ERI2: variants seen among roughly 807,000 people sequenced by gnomAD.
The protein encoded by ERI2 is ERI1 exoribonuclease family member 2.
Under a neutral mutation model 46.8 loss-of-function variants are expected in ERI2, and 35 were observed. That is an observed-to-expected ratio of 0.75 (90% CI 0.57 to 0.99). ERI2 has a LOEUF of 0.99. Ranked by LOEUF, ERI2 falls within the 50% of genes least tolerant of loss-of-function variation. The pLI is 0.00. For synonymous variants in ERI2, 224 were observed against 271.0 expected (o/e 0.83, Z 1.70); for missense variants, 695 against 796.2 (o/e 0.87, Z 1.53).
At chr16:20,796,198 A>T, downstream of ERI2, 2 of 1,133,728 alleles carry the variant, frequency 1.8e-6, no homozygotes, top group Non-Finnish European at 2.4e-6. Context: ...CTCCTGTATT[A>T]GGTACAGACC....
rs1426608595 is a variant in ERI2, at chr16:20,798,811, A to C, written c.989T>G (p.Leu330Arg). 2 of 1,551,488 alleles carry C rather than the reference A, an allele frequency of 1.3e-6. No individual in the cohort carries two copies. Among genetic ancestry groups the C allele is most frequent in the Non-Finnish European group, 1.7e-6 (2 of 1,146,912 alleles). ...SLHNVKSSLP[L>R]FNTKSSTSVG... is the part of the protein sequence containing the mutation. ...AGAAGTAGAGGACTTAGTATTAAAA[A>C]GAGGTAAGGAACTTTTGACATTGTG... is the stretch of plus-strand genomic sequence containing the variant. Residue 330 changes from leucine to arginine, a missense_variant, in exon 9 of 9, where the codon CTT becomes CGT. By Grantham distance (102) the Leu-to-Arg change is moderately radical. Transcript: ENST00000357967.
chr16:20,804,836 A>G (rs2080837329), intron 1 of ERI2, among the ~76,000 whole-genome samples: 1 of 152,314 alleles, frequency 6.6e-6, no homozygotes, highest in African/African-American at 2.4e-5. Context: ...ATTTGGGAAT[A>G]ATAAATATCA....
intron 10 of ERI2, among the ~76,000 whole-genome samples, chr16:20,788,565 A>G (rs1160915330): frequency 4.6e-5 from 7 of 152,320 alleles, no homozygotes; most frequent in Non-Finnish European, 1.0e-4. Flanking sequence ...GGGCATCTGC[A>G]GTAACATTCT....
At chr16:20,802,167 C>A (rs2080802828) in intron 4 of ERI2, among the ~76,000 whole-genome samples, 1 of 151,438 alleles carries the variant, frequency 6.6e-6, no homozygotes, top group African/African-American at 2.4e-5. Context: ...CATAGTGAAA[C>A]CCTGTCTCTA....
intron 10 of ERI2, among the ~76,000 whole-genome samples, chr16:20,785,635 T>C (rs1466180681): frequency 1.3e-5 from 2 of 152,132 alleles, no homozygotes; most frequent in African/African-American, 2.4e-5. Context: ...CAACAGTGGT[T>C]ATTTTGTAGA....
chr16:20,803,619 G>A lies in ERI2; in HGVS notation c.75C>T (p.Leu25=), dbSNP rs2080818903. The change falls in exon 2 of 9, where the codon CTC becomes CTT. Residue 25 remains leucine (L), a synonymous_variant. Coordinates refer to ENST00000357967, the MANE Select transcript of ERI2 (RefSeq NM_001142725.2). ...ACTACTCACTGGATTTGCTTCTTCCGAGATTTCCATTTGCTGGCGCAATTG... is the reference window on the plus strand; with the variant it reads ...ACTACTCACTGGATTTGCTTCTTCCAAGATTTCCATTTGCTGGCGCAATTG... The part of the protein sequence containing the change: ...RKSIAPANGN[L]GRSKSKQLFD... 5.6e-6 allele frequency: 9 copies of A among 1,613,974 alleles called. No individual in the cohort carries two copies. The East Asian group carries it at 6.7e-5, about 12-fold the overall frequency.
At chr16:20,785,252 C>T in intron 10 of ERI2, 1 of 1,129,644 alleles carries the variant, frequency 8.9e-7, no homozygotes, top group South Asian at 1.5e-5. Flanking sequence ...CTTGCAAGAA[C>T]CTAATTGCAA....
chr16:20,797,646 T>G lies in ERI2; in HGVS notation c.*78A>C. The stretch of plus-strand genomic sequence containing the variant: ...TAAACATTAATATATAAAATAAAAA[T>G]AAAATAGTGTAAGATGTTATCAGAA... On this transcript the variant is annotated 3_prime_UTR_variant, in exon 9 of 9. Coordinates refer to ENST00000357967, the MANE Select transcript of ERI2 (RefSeq NM_001142725.2). 7.2e-7 allele frequency: 1 copy of G among 1,383,512 alleles called. No individual in the cohort carries two copies. Among genetic ancestry groups the G allele is most frequent in the Non-Finnish European group, 9.4e-7 (1 of 1,066,486 alleles). 85.7% of individuals were successfully genotyped at this position (1,383,512 alleles called of 1,614,324 possible).
Position 20,796,684 on chromosome 16 carries a change from C to T in ERI2, c.*1040G>A. The T allele has an allele frequency of 6.8e-7, 1 of 1,476,126 alleles. No individual in the cohort carries two copies. 91.4% of individuals were successfully genotyped at this position (1,476,126 alleles called of 1,614,324 possible). ...GAACCTATTTTGTTTGGTCCTTTGGCTTACTGGACTCACAGTAAATACTTA... is the reference window on the plus strand; with the variant it reads ...GAACCTATTTTGTTTGGTCCTTTGGTTTACTGGACTCACAGTAAATACTTA... On this transcript the variant is annotated 3_prime_UTR_variant, in exon 9 of 9. Coordinates refer to ENST00000357967, the MANE Select transcript of ERI2 (RefSeq NM_001142725.2).
At chr16:20,806,316 C>T in intron 1 of ERI2, 92 bp downstream of exon 1, 1 of 1,519,364 alleles carries the variant, frequency 6.6e-7, no homozygotes, top group Non-Finnish European at 8.8e-7. Flanking sequence ...GAGGCCCTCA[C>T]CGCAGATGCC....
Position 20,803,603 on chromosome 16 carries a change from T to C in ERI2, c.91A>G (p.Lys31Glu). Residue 31 changes from lysine to glutamate, a missense_variant and splice_region_variant, in exon 2 of 9, where the codon AAG (lysine) becomes GAG (glutamate). Transcript: ENST00000357967. The stretch of plus-strand genomic sequence containing the variant: ...CAAAGAAACTAAGCATACTACTCAC[T>C]GGATTTGCTTCTTCCGAGATTTCCA... ...ANGNLGRSKS[K>E]QLFDYLIVID... The C allele has an allele frequency of 6.2e-7, 1 of 1,614,188 alleles. No individual in the cohort carries two copies. Among genetic ancestry groups the C allele is most frequent in the Non-Finnish European group, 8.5e-7 (1 of 1,180,014 alleles).
chr16:20,791,055 G>T (rs1174168490), intron 8 of ERI2: 5 of 952,448 alleles, frequency 5.2e-6, no homozygotes, highest in Middle Eastern at 2.2e-4. Context: ...GACAGGGGAT[G>T]CGGGGGTGGT....
Position 20,796,614 on chromosome 16 carries a change from A to T in ERI2, c.*1110T>A. 1 of 1,528,766 alleles carries T rather than the reference A, an allele frequency of 6.5e-7. No individual in the cohort carries two copies. The allele number at this position is 1,528,766 out of a possible 1,614,324, so 94.7% of individuals were successfully genotyped here. A position where few individuals can be genotyped will look rare whatever the true frequency, so the allele number is the denominator to read the frequency against. On this transcript the variant is annotated 3_prime_UTR_variant, in exon 9 of 9. Transcript: ENST00000357967. ...CCACATGTCCCAAACTGAACTGATG[A>T]CATATGGGTAAGAATCAGAATCTTT...
intron 10 of ERI2, among the ~76,000 whole-genome samples, chr16:20,784,103 G>A (rs1422252760): frequency 6.6e-6 from 1 of 152,096 alleles, no homozygotes; most frequent in African/African-American, 2.4e-5. Context: ...ACCACACCTG[G>A]CCTTTCCTTC....
At position 20,803,604 on chromosome 16, in the gene ERI2, G is replaced by A. The variant is rs1177154660; in HGVS notation, c.90C>T (p.Ser30=). ...AAAGAAACTAAGCATACTACTCACT[G>A]GATTTGCTTCTTCCGAGATTTCCAT... ...PANGNLGRSK[S]KQLFDYLIVI... The change falls in exon 2 of 9, where the codon TCC becomes TCT. Residue 30 remains serine (S), a splice_region_variant and synonymous_variant. Coordinates refer to ENST00000357967, the MANE Select transcript of ERI2 (RefSeq NM_001142725.2). 6.2e-7 allele frequency: 1 copy of A among 1,614,012 alleles called. No individual in the cohort carries two copies. Among genetic ancestry groups the A allele is most frequent in the African/African-American group, 1.3e-5 (1 of 74,924 alleles).
Position 20,800,305 on chromosome 16 carries a change from G to GT in ERI2, c.557dup (p.Tyr186Ter). The change falls in exon 6 of 9, where the codon TAC becomes TAAC. Residue 186 changes from tyrosine (Y) to a stop codon, truncating the protein, a stop_gained and frameshift_variant. Transcript: ENST00000357967. LOFTEE classifies it high-confidence loss of function. ...LNSWIDLRAT[Y>*]KLFYRRKPKG... ...TGCCCCCATTTTTTACCATTACCTT[G>GT]TAAGTTGCTCTGAGATCAATCCAAG... The GT allele has an allele frequency of 6.3e-7, 1 of 1,598,774 alleles. No homozygotes were observed. Among genetic ancestry groups the GT allele is most frequent in the Non-Finnish European group, 8.6e-7 (1 of 1,169,282 alleles).
chr16:20,793,252 T>G (rs997684732), downstream of ERI2, among the ~76,000 whole-genome samples: 6 of 152,094 alleles, frequency 3.9e-5, no homozygotes, highest in African/African-American at 1.4e-4. Flanking sequence ...GTGGATCACC[T>G]GAGGTCAGGA....
At chr16:20,800,121 C>A in intron 6 of ERI2, 83 bp from the exon 7 acceptor site, 2 of 985,154 alleles carry the variant, frequency 2.0e-6, no homozygotes, top group South Asian at 3.1e-5. Context: ...ATTTTTAGTT[C>A]TATTAGATTT....
chr16:20,798,110 G>C lies in ERI2; in HGVS notation c.1690C>G (p.Pro564Ala), dbSNP rs138549520. 3.9e-5 allele frequency: 61 copies of C among 1,551,526 alleles called. No homozygotes were observed. In the African/African-American group the frequency reaches 7.4e-4, roughly 19 times the overall value. The change falls in exon 9 of 9, where the codon CCA becomes GCA. Residue 564 changes from proline to alanine, a missense_variant. Physicochemically the swap from Pro to Ala is conservative, Grantham distance 27. Coordinates refer to ENST00000357967, the MANE Select transcript of ERI2 (RefSeq NM_001142725.2). ...CGCCTCCAGGAAGAACTTCTTACTG[G>C]GGAGCAATCAGATGATGTAGGCTTT... ...EEKPTSSDCSPVRSSSWRRLP... is the reference protein window; with the variant it reads ...EEKPTSSDCSAVRSSSWRRLP...
Sources: gnomAD v4.1 joint callset for allele counts (sites outside exome capture counted in the v4.1 genomes callset) on GRCh38, gnomAD v4.1.1 for gene constraint, MANE v1.5 for transcripts, NCBI Gene and HGNC (gene_info 2026-07-23, HGNC 2026-07-21) for gene names.